SDK1: variants seen among roughly 807,000 people sequenced by gnomAD.
SDK1 encodes the protein sidekick cell adhesion molecule 1.
In SDK1, 157 loss-of-function variants were observed where a neutral mutation model predicts 245.5. The observed-to-expected ratio is 0.64, with a 90% CI of 0.56 to 0.73. The LOEUF is 0.73. Ranked by LOEUF, SDK1 falls within the 30% of genes least tolerant of loss-of-function variation. SDK1 has a pLI of 0.00. For missense variants in SDK1, 3,583 were observed against 3,002.3 expected (o/e 1.19, Z -4.52); for synonymous variants, 1,647 against 1,278.5 (o/e 1.29, Z -6.15).
chr7:4,249,909 G>A (rs1787180736), intron 44 of SDK1, among the ~76,000 whole-genome samples: 1 of 152,164 alleles, frequency 6.6e-6, no homozygotes, highest in African/African-American at 2.4e-5. Context: ...CTCATTTGAA[G>A]TACACAATTC....
chr7:3,542,526 A>T (rs933977037), intron 1 of SDK1, among the ~76,000 whole-genome samples: 1 of 152,244 alleles, frequency 6.6e-6, no homozygotes, highest in Non-Finnish European at 1.5e-5. Context: ...GCATAGGATC[A>T]TGCCTGGCCT....
intron 4 of SDK1, among the ~76,000 whole-genome samples, chr7:3,731,119 TAG>T (rs1779163613): frequency 6.6e-6 from 1 of 152,206 alleles, no homozygotes; most frequent in Admixed American, 6.5e-5. Flanking sequence ...GTGTTTCTGC[TAG>T]TCTGCACTCA....
intron 1 of SDK1, among the ~76,000 whole-genome samples, chr7:3,602,387 G>A (rs1781281076): frequency 1.3e-5 from 2 of 151,870 alleles, no homozygotes; most frequent in Admixed American, 6.6e-5. Flanking sequence ...GTGTGAGATG[G>A]TATCTCATAG....
chr7:3,816,854 A>C (rs2115054416), intron 4 of SDK1, among the ~76,000 whole-genome samples: 1 of 152,192 alleles, frequency 6.6e-6, no homozygotes, highest in East Asian at 1.9e-4. Context: ...AATATTTTGA[A>C]GTGGTTTTTT....
At chr7:3,729,446 C>A (rs749924686) in intron 4 of SDK1, among the ~76,000 whole-genome samples, 8 of 152,212 alleles carry the variant, frequency 5.3e-5, no homozygotes, top group Non-Finnish European at 1.0e-4. Flanking sequence ...GTGGTTGTCA[C>A]AACTGGGTGG....
rs867561619 is a variant in SDK1 at position 3,861,316 on chromosome 7, G to C, written c.847+39733G>C. Reference sequence around the variant, plus strand: ...ATTTTACTCTCCACTAGTTATTTAAGTCATCTATGTATTTGTTTAAGCAAA... The same window carrying C: ...ATTTTACTCTCCACTAGTTATTTAACTCATCTATGTATTTGTTTAAGCAAA... On this transcript the variant is annotated intron_variant, in intron 5 of 44. Transcript: ENST00000404826. Among the ~76,000 whole-genome samples the C allele has an allele frequency of 5.3e-4, 80 of 152,328 alleles. 2 individuals carry two copies. Among genetic ancestry groups the C allele is most frequent in the South Asian group, 6.2e-4 (3 of 4,822 alleles).
intron 4 of SDK1, among the ~76,000 whole-genome samples, chr7:3,719,609 C>G (rs886967567): frequency 3.3e-5 from 5 of 152,224 alleles, no homozygotes; most frequent in African/African-American, 2.4e-5. Flanking sequence ...TGGGTGGAAC[C>G]TTGACCTAAA....
chr7:3,394,092 TG>T (rs1305154542), intron 1 of SDK1, among the ~76,000 whole-genome samples: 3 of 151,750 alleles, frequency 2.0e-5, no homozygotes, highest in Non-Finnish European at 4.4e-5. Flanking sequence ...GGTACTGTCT[TG>T]GTAGTCTTGG....
intron 1 of SDK1, among the ~76,000 whole-genome samples, chr7:3,317,913 A>C (rs574353894): frequency 6.6e-6 from 1 of 152,264 alleles, no homozygotes; most frequent in South Asian, 2.1e-4. Flanking sequence ...CTTATTTCTT[A>C]TGACAAAATA....
At chr7:4,041,362 C>G (rs1243039497) in intron 17 of SDK1, among the ~76,000 whole-genome samples, 2 of 150,480 alleles carry the variant, frequency 1.3e-5, no homozygotes, top group Non-Finnish European at 2.9e-5. Flanking sequence ...TTGATATACT[C>G]TCTGCCCAAC....
intron 7 of SDK1, chr7:3,958,065 T>C: frequency 2.1e-6 from 1 of 468,688 alleles, no homozygotes; most frequent in Non-Finnish European, 4.4e-6. Flanking sequence ...AAAGATACAG[T>C]CAATATAGGA....
intron 1 of SDK1, among the ~76,000 whole-genome samples, chr7:3,568,842 C>G (rs371797013): frequency 6.6e-6 from 1 of 152,082 alleles, no homozygotes; most frequent in African/African-American, 2.4e-5. Context: ...AAGTTTTGCC[C>G]CTAGCTAGGA....
intron 5 of SDK1, among the ~76,000 whole-genome samples, chr7:3,919,529 G>C (rs1300902302): frequency 2.0e-5 from 3 of 152,174 alleles, no homozygotes; most frequent in Non-Finnish European, 1.5e-5. Flanking sequence ...AACTGAAAGA[G>C]CACCCTCCCT....
chr7:3,836,391 T>C (rs929766553), intron 5 of SDK1, among the ~76,000 whole-genome samples: 1 of 152,232 alleles, frequency 6.6e-6, no homozygotes, highest in Non-Finnish European at 1.5e-5. Flanking sequence ...TTAGTCAGTT[T>C]GAGTTGCTGT....
At chr7:3,409,702 A>G (rs1407937781) in intron 1 of SDK1, among the ~76,000 whole-genome samples, 1 of 152,008 alleles carries the variant, frequency 6.6e-6, no homozygotes, top group Non-Finnish European at 1.5e-5. Context: ...TCTGAGTTGA[A>G]GCTAGGTGAC....
chr7:3,717,868 T>G (rs6947633), intron 4 of SDK1, among the ~76,000 whole-genome samples: 44 of 152,282 alleles, frequency 2.9e-4, no homozygotes, highest in African/African-American at 1.0e-3. Flanking sequence ...TTACAGGGTT[T>G]TGTTTATTAA....
intron 14 of SDK1, among the ~76,000 whole-genome samples, chr7:4,000,447 C>G (rs576181444): frequency 3.3e-5 from 5 of 152,276 alleles, no homozygotes; most frequent in Non-Finnish European, 5.9e-5. Flanking sequence ...TCTCCTGAGC[C>G]CCTCCCCAGC....
chr7:3,674,789 A>T (rs569595781), intron 4 of SDK1, among the ~76,000 whole-genome samples: 1 of 152,244 alleles, frequency 6.6e-6, no homozygotes, highest in South Asian at 2.1e-4. Flanking sequence ...ACGTCTTTCT[A>T]TAAGGAGTTG....
intron 8 of SDK1, among the ~76,000 whole-genome samples, chr7:3,960,692 G>A (rs929717218): frequency 3.9e-5 from 6 of 152,142 alleles, no homozygotes; most frequent in Admixed American, 1.3e-4. Context: ...TGCTGTCCAC[G>A]GCTCTGTTCT....
Sources: allele counts gnomAD v4.1 joint callset (sites outside exome capture counted in the v4.1 genomes callset), GRCh38; gene constraint gnomAD v4.1.1; transcripts MANE v1.5; gene names NCBI Gene and HGNC (gene_info 2026-07-23, HGNC 2026-07-21).